The following RECK variants were observed in gnomAD, a reference collection of about 807,000 sequenced individuals.
The protein encoded by RECK is reversion inducing cysteine rich protein with kazal motifs, also known as reversion-inducing cysteine-rich protein with Kazal motifs.
RECK carries 69 observed loss-of-function variants against 115.1 expected under a neutral mutation model. The observed-to-expected ratio is 0.60, with a 90% confidence interval of 0.49 to 0.73. The LOEUF (loss-of-function observed/expected upper bound fraction) is 0.73. Ranked by LOEUF, RECK falls within the 30% of genes least tolerant of loss-of-function variation. The pLI, the probability that RECK is intolerant of heterozygous loss-of-function variation, is 0.00. For synonymous variants in RECK, 414 were observed against 419.7 expected (o/e 0.99, Z 0.17); for missense variants, 1,047 against 1,203.7 (o/e 0.87, Z 1.93).
intron 13 of RECK, among the ~76,000 whole-genome samples, chr9:36,107,036 G>A (rs934517446): frequency 6.6e-6 from 1 of 151,018 alleles, no homozygotes; most frequent in East Asian, 2.0e-4. Context: ...AACCTGGGAG[G>A]TGGAGCTTGC....
chr9:36,042,522 G>A (rs1401483970), intron 1 of RECK, among the ~76,000 whole-genome samples: 1 of 150,176 alleles, frequency 6.7e-6, no homozygotes, highest in Non-Finnish European at 1.5e-5. Flanking sequence ...CCATATTTTT[G>A]CAATTGCTAA....
intron 16 of RECK, among the ~76,000 whole-genome samples, chr9:36,115,582 G>T (rs2132671055): frequency 6.6e-6 from 1 of 151,694 alleles, no homozygotes; most frequent in South Asian, 2.1e-4. Context: ...CTCATCCCTG[G>T]CATGTTAGTA....
At chr9:36,113,767 C>T (rs969624975) in intron 16 of RECK, among the ~76,000 whole-genome samples, 3 of 152,138 alleles carry the variant, frequency 2.0e-5, no homozygotes, top group Admixed American at 2.0e-4. Context: ...TGAGAAAGAT[C>T]AACCTAATAT....
chr9:36,092,073 C>T (rs1415320361), intron 10 of RECK, among the ~76,000 whole-genome samples: 1 of 152,172 alleles, frequency 6.6e-6, no homozygotes, highest in Non-Finnish European at 1.5e-5. Context: ...CAAGCTAACA[C>T]ACATCTTATT....
intron 1 of RECK, among the ~76,000 whole-genome samples, chr9:36,049,689 G>T (rs771240256): frequency 6.6e-6 from 1 of 152,162 alleles, no homozygotes; most frequent in Non-Finnish European, 1.5e-5. Flanking sequence ...GTGATTTAGA[G>T]TCTCCCTCCC....
chr9:36,056,545 T>C (rs902268561), intron 2 of RECK, among the ~76,000 whole-genome samples: 32 of 152,326 alleles, frequency 2.1e-4, no homozygotes, highest in Admixed American at 5.9e-4. Flanking sequence ...CTGTGTTTCT[T>C]AGTAATTGGC....
chr9:36,083,481 T>G lies in RECK; in HGVS notation c.556T>G (p.Tyr186Asp). 6.2e-7 allele frequency: 1 copy of G among 1,614,096 alleles called. No individual in the cohort carries two copies. The highest frequency in any genetic ancestry group is 8.5e-7 in the Non-Finnish European group (1 of 1,179,980). Residue 186 changes from tyrosine to aspartate, a missense_variant, in exon 8 of 21, where the codon TAT (tyrosine) becomes GAT (aspartate). Coordinates refer to ENST00000377966, the MANE Select transcript of RECK (RefSeq NM_021111.3). ...ATCTCAGATAAAAGCAGTGGAAAAT[T>G]ATTGCGCCTCTATTAGTCCACAATT... ...GPSQIKAVEN[Y>D]CASISPQLIH... is the part of the protein sequence containing the mutation.
Position 36,082,796 on chromosome 9 carries a change from GATAT to G in RECK, c.440-567_440-564del, listed in dbSNP as rs571420160. Among the ~76,000 whole-genome samples the G allele has an allele frequency of 5.6e-3, 859 of 152,276 alleles. 7 individuals carry two copies. Among genetic ancestry groups the G allele is most frequent in the South Asian group, 0.021 (100 of 4,824 alleles). Reference sequence around the variant, plus strand: ...CAGAACTTTTGGGATTTTGTTTCAAGATATACAGTTATATAAATGTCAAATTTAT... The same window carrying G: ...CAGAACTTTTGGGATTTTGTTTCAAGACAGTTATATAAATGTCAAATTTAT... On this transcript the variant is annotated intron_variant, in intron 7 of 20. Transcript: ENST00000377966.
At chr9:36,038,041 G>C (rs1322804846) in intron 1 of RECK, among the ~76,000 whole-genome samples, 1 of 151,350 alleles carries the variant, frequency 6.6e-6, no homozygotes, top group Non-Finnish European at 1.5e-5. Flanking sequence ...GCCGGGTGCG[G>C]TAGGCTCTCC....
chr9:36,037,248 G>C, intron 1 of RECK, 150 bp downstream of exon 1: 2 of 438,192 alleles, frequency 4.6e-6, no homozygotes, highest in Non-Finnish European at 7.5e-6. Context: ...CAGCGCTCCA[G>C]AGGCTGGTGC....
In RECK at chr9:36,117,153, CCT is replaced by C. The variant is rs750394332; in HGVS notation, c.2234_2235del (p.Ser745LeufsTer21). ...GCACTTTATACCAAAGAGGAAAAAG[CCT>C]CTCTTACAAAGGTCCCTGCCAGGTA... The part of the protein sequence containing the change: ...LCTLYQRGKS[L>X]SYKGPCQPFC... On this transcript the variant is annotated frameshift_variant, in exon 17 of 21. Coordinates refer to ENST00000377966, the MANE Select transcript of RECK (RefSeq NM_021111.3). LOFTEE classifies it high-confidence loss of function. 6.2e-7 allele frequency: 1 copy of C among 1,612,438 alleles called. No individual in the cohort carries two copies. Among genetic ancestry groups the C allele is most frequent in the East Asian group, 2.2e-5 (1 of 44,860 alleles).
rs1193860353 is a variant in RECK at position 36,100,552 on chromosome 9, C to T, written c.1298+9C>T. ...GGAAGTATTATTTGCAAGTAAGTTT[C>T]TTTCATCCTAACGATTCTCCAGCTT... On this transcript the variant is annotated intron_variant, in intron 11 of 20. Coordinates refer to ENST00000377966, the MANE Select transcript of RECK (RefSeq NM_021111.3). The T allele has an allele frequency of 2.5e-6, 4 of 1,599,906 alleles. No individual in the cohort carries two copies. The highest frequency in any genetic ancestry group is 2.6e-6 in the Non-Finnish European group (3 of 1,168,150).
chr9:36,112,216 A>G, intron 15 of RECK, 89 bp from the exon 16 acceptor site: 2 of 1,240,602 alleles, frequency 1.6e-6, no homozygotes, highest in South Asian at 2.7e-5. Flanking sequence ...AGACCTTCAC[A>G]TGATTGCTCA....
rs886087861 is a variant in RECK at position 36,090,065 on chromosome 9, A to G, written c.906-1099A>G. On this transcript the variant is annotated intron_variant, in intron 9 of 20. Coordinates refer to ENST00000377966, the MANE Select transcript of RECK (RefSeq NM_021111.3). The stretch of plus-strand genomic sequence containing the variant: ...CAGCTGCTTGGGAGGCTGAGGCACT[A>G]GAATCACTTGAACCCAGGAGGCAGA... Among the ~76,000 whole-genome samples the G allele has an allele frequency of 3.3e-5, 5 of 152,116 alleles. No individual in the cohort carries two copies. In the East Asian group the frequency reaches 9.6e-4, roughly 29 times the overall value.
intron 10 of RECK, among the ~76,000 whole-genome samples, chr9:36,099,619 A>G (rs919550935): frequency 6.6e-6 from 1 of 152,030 alleles, no homozygotes; most frequent in Non-Finnish European, 1.5e-5. Flanking sequence ...AGCTGGAACT[A>G]GAGGCGTGCC....
chr9:36,077,939 G>A (rs986751539), intron 6 of RECK, among the ~76,000 whole-genome samples: 9 of 152,006 alleles, frequency 5.9e-5, no homozygotes, highest in Admixed American at 2.0e-4. Context: ...TAAATAAGCC[G>A]GCATGCACCC....
intron 1 of RECK, among the ~76,000 whole-genome samples, chr9:36,042,423 A>AGTGT (rs35193636): frequency 0.043 from 6,219 of 144,396 alleles, 155 homozygotes; most frequent in Non-Finnish European, 0.053. Context: ...AGTATTCCAT[A>AGTGT]GTGTGTGTGT....
intron 7 of RECK, among the ~76,000 whole-genome samples, chr9:36,081,708 C>T (rs996867591): frequency 3.9e-5 from 6 of 151,968 alleles, no homozygotes; most frequent in Admixed American, 2.0e-4. Flanking sequence ...GTGGCACGTG[C>T]CTGTAATCCC....
At chr9:36,056,007 C>T (rs1821506531) in intron 2 of RECK, among the ~76,000 whole-genome samples, 1 of 151,624 alleles carries the variant, frequency 6.6e-6, no homozygotes, top group Non-Finnish European at 1.5e-5. Flanking sequence ...TTCTTTCACT[C>T]TTCCTTTTGT....
Sources: gnomAD v4.1 joint callset for allele counts (sites outside exome capture counted in the v4.1 genomes callset) on GRCh38, gnomAD v4.1.1 for gene constraint, MANE v1.5 for transcripts, NCBI Gene and HGNC (gene_info 2026-07-23, HGNC 2026-07-21) for gene names.